Variants in RAB11B observed in about 807,000 individuals in gnomAD.
The protein encoded by RAB11B is RAB11B, member RAS oncogene family, also known as ras-related protein Rab-11B.
Under a neutral mutation model 23.7 loss-of-function variants are expected in RAB11B, and 7 were observed. The observed-to-expected ratio is 0.29, with a 90% CI of 0.17 to 0.55. RAB11B has a LOEUF of 0.55. Among genes scored for constraint, RAB11B ranks in the 20% least tolerant of loss-of-function variants. The pLI is 0.93. For synonymous variants in RAB11B, 138 were observed against 132.0 expected (o/e 1.05, Z -0.31); for missense variants, 189 against 320.0 (o/e 0.59, Z 3.12).
At chr19:8,393,766 C>T (rs955397420) in intron 1 of RAB11B, among the ~76,000 whole-genome samples, 6 of 152,150 alleles carry the variant, frequency 3.9e-5, no homozygotes, top group African/African-American at 1.4e-4. Context: ...CAGGCTCTGC[C>T]GGAATGGGGG....
chr19:8,391,855 G>C (rs548081406), intron 1 of RAB11B, among the ~76,000 whole-genome samples: 5 of 151,804 alleles, frequency 3.3e-5, no homozygotes, highest in East Asian at 1.9e-4. Flanking sequence ...AAAGCCTTCC[G>C]GGGGGAGGGA....
At chr19:8,394,940 A>AAAAC (rs767278304) in intron 1 of RAB11B, among the ~76,000 whole-genome samples, 5 of 152,134 alleles carry the variant, frequency 3.3e-5, no homozygotes, top group Non-Finnish European at 7.4e-5. Flanking sequence ...CAAACAAACA[A>AAAAC]AAACAAACAA....
In RAB11B at chr19:8,403,448, G is replaced by C. The variant is rs1348235869; in HGVS notation, c.547G>C (p.Asp183His). The stretch of plus-strand genomic sequence containing the variant: ...CATCGTGTCACAGAAACAGATCGCA[G>C]ACCGCGCTGCCCACGACGAGTCCCC... ...YRIVSQKQIADRAAHDESPGN... is the reference protein window; with the variant it reads ...YRIVSQKQIAHRAAHDESPGN... Residue 183 changes from aspartate (D) to histidine (H), a missense_variant, in exon 5 of 5, where the codon GAC becomes CAC. By Grantham distance (81) the Asp-to-His change is moderately conservative. This residue lies in a region of RAB11B where 122 missense variants were observed against 170.8 expected (regional missense o/e 0.71). Transcript: ENST00000328024. The C allele has an allele frequency of 6.2e-7, 1 of 1,614,006 alleles. No homozygotes were observed. Among genetic ancestry groups the C allele is most frequent in the African/African-American group, 1.3e-5 (1 of 75,042 alleles).
chr19:8,392,957 A>T (rs1157359744), intron 1 of RAB11B, among the ~76,000 whole-genome samples: 1 of 147,752 alleles, frequency 6.8e-6, no homozygotes, highest in Non-Finnish European at 1.5e-5. Flanking sequence ...AAGTGCTGGG[A>T]TTACAGGCAT....
In RAB11B at chr19:8,396,695, G is replaced by A. The variant is rs909398862; in HGVS notation, c.41-3168G>A. Among the ~76,000 whole-genome samples the A allele has an allele frequency of 2.1e-5, 3 of 146,296 alleles. No individual in the cohort carries two copies. The highest frequency in any genetic ancestry group is 4.5e-5 in the Non-Finnish European group (3 of 66,560). ...GAACAGCATGGAGGCCTGTGTGGCT[G>A]GAGCAGAGTGAGCCGGGGGGGGGGC... On this transcript the variant is annotated intron_variant, in intron 1 of 4. Coordinates refer to ENST00000328024, the MANE Select transcript of RAB11B (RefSeq NM_004218.4). This position sits in a 1 kb window ranked among gnomAD's most constrained non-coding sequence, Gnocchi z 5.0.
In RAB11B at chr19:8,400,008, G is replaced by A. The variant is rs765091879; in HGVS notation, c.186G>A (p.Ala62=). Residue 62 remains alanine (A), a synonymous_variant, in exon 2 of 5, where the codon GCG becomes GCA. Transcript: ENST00000328024. ...AGGTGGACGGCAAGACCATCAAGGC[G>A]CAGATCTGGGACACCGCTGGCCAGG... is the stretch of plus-strand genomic sequence containing the variant. ...SIQVDGKTIK[A]QIWDTAGQER... 2.4e-5 allele frequency: 39 copies of A among 1,614,064 alleles called. No homozygotes were observed. The highest frequency in any genetic ancestry group is 6.7e-5 in the East Asian group (3 of 44,896).
At chr19:8,395,950 A>G (rs1340848090) in intron 1 of RAB11B, among the ~76,000 whole-genome samples, 4 of 152,204 alleles carry the variant, frequency 2.6e-5, no homozygotes, top group African/African-American at 9.6e-5. Context: ...CGGTGGCTCC[A>G]GACAAGTCAC....
Position 8,403,584 on chromosome 19 carries a change from TG to T in RAB11B, c.*27del. 2 of 1,596,710 alleles carry T rather than the reference TG, an allele frequency of 1.3e-6. No homozygotes were observed. The highest frequency in any genetic ancestry group is 1.7e-6 in the Non-Finnish European group (2 of 1,168,168). On this transcript the variant is annotated 3_prime_UTR_variant, in exon 5 of 5. Coordinates refer to ENST00000328024, the MANE Select transcript of RAB11B (RefSeq NM_004218.4). Reference sequence around the variant, plus strand: ...CCCCTGCGCCTCCACCCAGCGTGCGTGCACGTCCTCCGCCCGCCCCCGCCAC... The same window carrying T: ...CCCCTGCGCCTCCACCCAGCGTGCGTCACGTCCTCCGCCCGCCCCCGCCAC...
intron 1 of RAB11B, among the ~76,000 whole-genome samples, chr19:8,399,204 C>T (rs549794292): frequency 2.6e-5 from 4 of 152,130 alleles, no homozygotes; most frequent in South Asian, 2.1e-4. Context: ...CCACCCGCCT[C>T]GGCCTCCCAA....
chr19:8,394,067 A>C (rs913529498), intron 1 of RAB11B, among the ~76,000 whole-genome samples: 1 of 152,120 alleles, frequency 6.6e-6, no homozygotes, highest in African/African-American at 2.4e-5. Flanking sequence ...TAGACAATGA[A>C]GTTTTCATCC....
At chr19:8,393,201 C>T (rs749907886) in intron 1 of RAB11B, among the ~76,000 whole-genome samples, 19 of 152,204 alleles carry the variant, frequency 1.2e-4, no homozygotes, top group Non-Finnish European at 2.5e-4. Context: ...TAGCCATGGG[C>T]CATTTTCATA....
Position 8,403,691 on chromosome 19 carries a change from G to A in RAB11B, c.*133G>A, listed in dbSNP as rs542109178. ...CCAGTGAGCTCTGCACGGCCGGGCC[G>A]GGGCCCAGGAAGGACAGGAGCCAGT... On this transcript the variant is annotated 3_prime_UTR_variant, in exon 5 of 5. Transcript: ENST00000328024. The A allele has an allele frequency of 2.2e-5, 29 of 1,315,998 alleles. No individual in the cohort carries two copies. The East Asian group carries it at 5.2e-4, about 23-fold the overall frequency. The allele number at this position is 1,315,998 out of a possible 1,614,324, so 81.5% of individuals were successfully genotyped here.
chr19:8,396,912 C>T lies in RAB11B; in HGVS notation c.41-2951C>T, dbSNP rs923336791. Among the ~76,000 whole-genome samples, 8 of 152,126 alleles carry T rather than the reference C, an allele frequency of 5.3e-5. No homozygotes were observed. Among genetic ancestry groups the T allele is most frequent in the African/African-American group, 1.7e-4 (7 of 41,426 alleles). ...TGGTGATGAGCGTGAACACAGGGAC[C>T]GCACAGACAATACCTTCCAGGGTCT... On this transcript the variant is annotated intron_variant, in intron 1 of 4. Coordinates refer to ENST00000328024, the MANE Select transcript of RAB11B (RefSeq NM_004218.4). The surrounding 1 kb of genome is among the most constrained non-coding windows in gnomAD (Gnocchi z 5.0).
In RAB11B at chr19:8,401,459, A is replaced by ACCTCCGC. The variant is rs558763145; in HGVS notation, c.237-624_237-618dup. ...AGTGTCACAATCTCGGCTCACTGCA[A>ACCTCCGC]CCTCCGCCCCCCGCCCCCCAGGGTT... On this transcript the variant is annotated intron_variant, in intron 2 of 4. Coordinates refer to ENST00000328024, the MANE Select transcript of RAB11B (RefSeq NM_004218.4). Among the ~76,000 whole-genome samples the ACCTCCGC allele has an allele frequency of 3.1e-3, 437 of 139,092 alleles. 1 individual carries two copies. The highest frequency in any genetic ancestry group is 4.3e-3 in the Non-Finnish European group (281 of 64,950). The allele number at this position is 139,092 out of a possible 152,430, so 91.2% of individuals were successfully genotyped here. A position where few individuals can be genotyped will look rare whatever the true frequency, so the allele number is the denominator to read the frequency against.
At position 8,404,310 on chromosome 19, in the gene RAB11B, T is replaced by G. The variant is rs1971463517; in HGVS notation, c.*752T>G. On this transcript the variant is annotated 3_prime_UTR_variant, in exon 5 of 5. Transcript: ENST00000328024. The stretch of plus-strand genomic sequence containing the variant: ...AGAGAAACACAGATTCTTTATACAC[T>G]TTGTAAGATTTACGCCAAACCCCAG... 6.6e-6 allele frequency: 1 copy of G among 152,240 alleles called. No individual in the cohort carries two copies. Among genetic ancestry groups the G allele is most frequent in the Admixed American group, 6.5e-5 (1 of 15,272 alleles). The allele number at this position is 152,240 out of a possible 1,614,324, so 9.4% of individuals were successfully genotyped here.
chr19:8,402,697 T>C, intron 4 of RAB11B, 132 bp downstream of exon 4: 1 of 688,894 alleles, frequency 1.5e-6, no homozygotes, highest in Non-Finnish European at 2.4e-6. Context: ...GGATTTTTGC[T>C]CTTTGCCCAG....
At chr19:8,400,416 G>T in intron 2 of RAB11B, 1 of 306,602 alleles carries the variant, frequency 3.3e-6, no homozygotes. Flanking sequence ...CTCCCACCTG[G>T]GCCTGGCCTC....
intron 1 of RAB11B, among the ~76,000 whole-genome samples, chr19:8,398,943 A>AATT (rs1190335276): frequency 1.5e-5 from 2 of 137,354 alleles, no homozygotes; most frequent in Non-Finnish European, 3.2e-5. Context: ...ACGCCCAGCT[A>AATT]ATTATTATTA....
rs778009201 is a variant in RAB11B, at chr19:8,402,092, C to T, written c.243C>T (p.Tyr81=). The part of the protein sequence containing the change: ...ERYRAITSAY[Y]RGAVGALLVY... ...TGGGCCCCTGACCCTGCAGGTACTA[C>T]CGTGGTGCAGTGGGCGCCCTGCTGG... Residue 81 remains tyrosine, a synonymous_variant, in exon 3 of 5, where the codon TAC becomes TAT. Transcript: ENST00000328024. The T allele has an allele frequency of 1.3e-6, 2 of 1,595,962 alleles. No individual in the cohort carries two copies. The highest frequency in any genetic ancestry group is 1.7e-5 in the Admixed American group (1 of 57,502).
Sources: allele counts gnomAD v4.1 joint callset (sites outside exome capture counted in the v4.1 genomes callset), GRCh38; gene constraint gnomAD v4.1.1; regional missense constraint gnomAD v4.1.1; non-coding constraint Gnocchi (gnomAD v3.1); transcripts MANE v1.5; gene names NCBI Gene and HGNC (gene_info 2026-07-23, HGNC 2026-07-21).